Variants in DDO observed in about 807,000 individuals in gnomAD.
DDO encodes the protein D-aspartate oxidase, DDO.
A neutral mutation model predicts 16.8 loss-of-function variants in DDO; 16 were observed. The ratio of observed to expected loss-of-function variants is 0.95; its 90% CI spans 0.65 to 1.45. The LOEUF is 1.45. Ranked by LOEUF, DDO falls within the 40% of genes most tolerant of loss-of-function variation. The pLI is 0.00. For missense variants in DDO, 429 were observed against 420.3 expected (o/e 1.02, Z -0.18); for synonymous variants, 180 against 167.2 (o/e 1.08, Z -0.59).
chr6:110,400,478 T>G (rs2114820431), intron 4 of DDO, among the ~76,000 whole-genome samples: 1 of 152,260 alleles, frequency 6.6e-6, no homozygotes, highest in South Asian at 2.1e-4. Flanking sequence ...GAGGTGACTG[T>G]GTGCTGGGGG....
chr6:110,388,510 G>A (rs963710941), downstream of DDO, among the ~76,000 whole-genome samples: 14 of 152,034 alleles, frequency 9.2e-5, no homozygotes, highest in African/African-American at 2.9e-4. Context: ...TTCAATAAAA[G>A]GAAGAATATA....
At chr6:110,400,094 C>A (rs1773428840) in intron 4 of DDO, among the ~76,000 whole-genome samples, 1 of 152,170 alleles carries the variant, frequency 6.6e-6, no homozygotes, top group African/African-American at 2.4e-5. Flanking sequence ...AAATGCTGAC[C>A]GCAGGCCCGC....
intron 4 of DDO, among the ~76,000 whole-genome samples, chr6:110,398,708 G>A (rs1324227962): frequency 6.6e-6 from 1 of 152,114 alleles, no homozygotes; most frequent in Admixed American, 6.5e-5. Context: ...GAGTCAGGCC[G>A]AGCAGGAGAA....
chr6:110,396,248 T>G lies in DDO; in HGVS notation c.459-2906A>C, dbSNP rs75274881. ...GCAGAGCTCCATCTGCTCAGTCTCT[T>G]CACACTCCCTCCCTCTGCAGAGACC... On this transcript the variant is annotated intron_variant, in intron 4 of 4. Coordinates refer to ENST00000368924, the MANE Select transcript of DDO (RefSeq NM_001372108.2). 4.3e-4 allele frequency among the ~76,000 whole-genome samples: 66 copies of G among 152,338 alleles called. No homozygotes were observed. The East Asian group carries it at 9.6e-3, about 22-fold the overall frequency.
intron 3 of DDO, among the ~76,000 whole-genome samples, chr6:110,407,437 A>C (rs1384168511): frequency 6.6e-6 from 1 of 152,200 alleles, no homozygotes. Context: ...GAAAAACAAG[A>C]AGAGAAAAAG....
In DDO at chr6:110,398,386, AC is replaced by A. The variant is rs1474187804; in HGVS notation, c.459-5045del. 8.1e-5 allele frequency among the ~76,000 whole-genome samples: 3 copies of A among 37,216 alleles called. No individual in the cohort carries two copies. In the East Asian group the frequency reaches 4.3e-3, roughly 53 times the overall value. The allele number at this position is 37,216 out of a possible 152,430, so 24.4% of individuals were successfully genotyped here. A position where few individuals can be genotyped will look rare whatever the true frequency, so the allele number is the denominator to read the frequency against. ...CACTAAGCAAATCTTAAATGCGTACACACACACACACACACACACACACACA... is the reference window on the plus strand; with the variant it reads ...CACTAAGCAAATCTTAAATGCGTACAACACACACACACACACACACACACA... On this transcript the variant is annotated intron_variant, in intron 4 of 4. Coordinates refer to ENST00000368924, the MANE Select transcript of DDO (RefSeq NM_001372108.2).
intron 2 of DDO, among the ~76,000 whole-genome samples, chr6:110,412,515 G>A (rs1773893224): frequency 6.6e-6 from 1 of 152,176 alleles, no homozygotes; most frequent in Non-Finnish European, 1.5e-5. Context: ...CACACTTTCT[G>A]GCCTCCTGCT....
At position 110,393,240 on chromosome 6, in the gene DDO, G is replaced by T. The variant is rs763640093; in HGVS notation, c.561C>A (p.Ser187Arg). The change falls in exon 5 of 5, where the codon AGC (serine) becomes AGA (arginine). Residue 187 changes from serine (S) to arginine (R), a missense_variant. Coordinates refer to ENST00000368924, the MANE Select transcript of DDO (RefSeq NM_001372108.2). ...TCTTTGAGTCTCCTGCAAGCTGTCT[G>T]CTTCCAAGGCCTGAACAGTTGACCA... The part of the protein sequence containing the change: ...DIVVNCSGLG[S>R]RQLAGDSKIF... The T allele has an allele frequency of 6.2e-7, 1 of 1,614,224 alleles. No homozygotes were observed. Among genetic ancestry groups the T allele is most frequent in the Admixed American group, 1.7e-5 (1 of 60,036 alleles).
intron 4 of DDO, among the ~76,000 whole-genome samples, chr6:110,399,565 G>T (rs939174499): frequency 1.4e-5 from 2 of 138,610 alleles, no homozygotes; most frequent in Admixed American, 7.4e-5. Context: ...TGAAATGCTC[G>T]CCCTGAAAGG....
At position 110,415,463 on chromosome 6, in the gene DDO, G is replaced by A; in HGVS notation, c.-5+4C>T. The A allele has an allele frequency of 1.2e-6, 2 of 1,614,128 alleles. No individual in the cohort carries two copies. Among genetic ancestry groups the A allele is most frequent in the Non-Finnish European group, 1.7e-6 (2 of 1,180,004 alleles). ...CCCTCAGCTGAAAGCAAGAATTCAA[G>A]TACCTGTCTCTGAAAAAGCAGTCTT... On this transcript the variant is annotated splice_donor_region_variant and intron_variant, in intron 1 of 4. Coordinates refer to ENST00000368924, the MANE Select transcript of DDO (RefSeq NM_001372108.2).
In DDO at chr6:110,395,957, G is replaced by A. The variant is rs111681939; in HGVS notation, c.459-2615C>T. Among the ~76,000 whole-genome samples the A allele has an allele frequency of 4.6e-5, 7 of 152,168 alleles. 1 individual carries two copies. The highest frequency in any genetic ancestry group is 1.4e-4 in the African/African-American group (6 of 41,526). On this transcript the variant is annotated intron_variant, in intron 4 of 4. Transcript: ENST00000368924. ...CTGAGATGGGAAGATCCCTTGAACC[G>A]AGGAGGTGGAGGTTCAAGCCGAGAT... is the stretch of plus-strand genomic sequence containing the variant.
intron 4 of DDO, among the ~76,000 whole-genome samples, chr6:110,403,902 C>T (rs1364235749): frequency 2.0e-5 from 3 of 152,196 alleles, no homozygotes; most frequent in Non-Finnish European, 2.9e-5. Flanking sequence ...AAGCGTTCAA[C>T]AAAAGTTGTG....
chr6:110,407,711 T>C (rs936532690), intron 3 of DDO, among the ~76,000 whole-genome samples: 19 of 152,242 alleles, frequency 1.2e-4, no homozygotes, highest in Admixed American at 1.2e-3. Context: ...AAAGATGTCA[T>C]GTTTTAAGTG....
intron 4 of DDO, among the ~76,000 whole-genome samples, chr6:110,400,034 C>A (rs1420638804): frequency 2.0e-5 from 3 of 152,314 alleles, no homozygotes; most frequent in East Asian, 1.9e-4. Context: ...ATGGCGTTGC[C>A]GTCCTCGCAG....
At position 110,393,171 on chromosome 6, in the gene DDO, C is replaced by A; in HGVS notation, c.630G>T (p.Trp210Cys). 9 of 1,614,228 alleles carry A rather than the reference C, an allele frequency of 5.6e-6. No individual in the cohort carries two copies. Among genetic ancestry groups the A allele is most frequent in the Non-Finnish European group, 7.6e-6 (9 of 1,180,036 alleles). ...TGCCATCTCGGATAAAATGCTCCAC[C>A]CAGGGAGCCTGAACTTGGAGGACTT... ...RGQVLQVQAPWVEHFIRDGSG... is the reference protein window; with the variant it reads ...RGQVLQVQAPCVEHFIRDGSG... The change falls in exon 5 of 5, where the codon TGG becomes TGT. Residue 210 changes from tryptophan to cysteine, a missense_variant. By Grantham distance (215) the Trp-to-Cys change is radical. Transcript: ENST00000368924.
intron 4 of DDO, among the ~76,000 whole-genome samples, chr6:110,397,838 A>G (rs1773337493): frequency 6.6e-6 from 1 of 152,198 alleles, no homozygotes; most frequent in African/African-American, 2.4e-5. Flanking sequence ...TTGTAATGCA[A>G]CCACATAGTG....
intron 2 of DDO, among the ~76,000 whole-genome samples, chr6:110,411,237 C>T (rs1316891499): frequency 1.3e-5 from 2 of 152,180 alleles, no homozygotes; most frequent in African/African-American, 2.4e-5. Context: ...CTCCAGTGAG[C>T]TCACTGGCAA....
chr6:110,408,167 C>T (rs1773720488), intron 3 of DDO, among the ~76,000 whole-genome samples, 167 bp downstream of exon 3: 1 of 152,214 alleles, frequency 6.6e-6, no homozygotes, highest in African/African-American at 2.4e-5. Flanking sequence ...CATAACTTGT[C>T]TTTCTTCAGT....
At chr6:110,400,344 G>GGGC (rs1554220572) in intron 4 of DDO, among the ~76,000 whole-genome samples, 5 of 87,212 alleles carry the variant, frequency 5.7e-5, no homozygotes, top group Non-Finnish European at 1.1e-4. Flanking sequence ...GGAGCGGGCC[G>GGGC]GGGCGGGGAC....
Sources: allele counts gnomAD v4.1 joint callset (sites outside exome capture counted in the v4.1 genomes callset), GRCh38; gene constraint gnomAD v4.1.1; transcripts MANE v1.5; gene names NCBI Gene and HGNC (gene_info 2026-07-23, HGNC 2026-07-21).